ARHGAP20: variants seen among roughly 807,000 people sequenced by gnomAD.
ARHGAP20 encodes the protein rho GTPase-activating protein 20.
Under a neutral mutation model 73.7 loss-of-function variants are expected in ARHGAP20, and 34 were observed. That is an observed-to-expected ratio of 0.46 (90% CI 0.35 to 0.61). The LOEUF (loss-of-function observed/expected upper bound fraction) is 0.61. ARHGAP20 is among the 20% of genes least tolerant of loss of function. The pLI is 0.00. For synonymous variants in ARHGAP20, 523 were observed against 518.2 expected (o/e 1.01, Z -0.13); for missense variants, 1,314 against 1,420.9 (o/e 0.92, Z 1.21).
chr11:110,649,676 GA>G (rs1011934224), intron 2 of ARHGAP20, among the ~76,000 whole-genome samples: 216 of 151,920 alleles, frequency 1.4e-3, no homozygotes, highest in Admixed American at 1.2e-3. Flanking sequence ...TTAGACAAAA[GA>G]AAAAAACTGT....
chr11:110,620,931 G>A (rs1441455521), intron 4 of ARHGAP20, among the ~76,000 whole-genome samples: 1 of 151,916 alleles, frequency 6.6e-6, no homozygotes, highest in East Asian at 1.9e-4. Context: ...AAAATTAGCT[G>A]GGCGCGGTGG....
At chr11:110,685,612 T>C (rs1950118563) in intron 2 of ARHGAP20, among the ~76,000 whole-genome samples, 2 of 152,164 alleles carry the variant, frequency 1.3e-5, no homozygotes, top group African/African-American at 4.8e-5. Flanking sequence ...TCAGTTAATT[T>C]AAATATTTCT....
chr11:110,580,290 T>G lies in ARHGAP20; in HGVS notation c.2656A>C (p.Lys886Gln), dbSNP rs752151883. 6 of 1,614,062 alleles carry G rather than the reference T, an allele frequency of 3.7e-6. No individual in the cohort carries two copies. The highest frequency in any genetic ancestry group is 1.6e-4 in the Middle Eastern group (1 of 6,062). ...TCCATTTGCAAAGACTTATGCCGTT[T>G]GAGATAATCCTCCTCTCCATGCAAG... ...GLLHGEEDYL[K>Q]RHKSLQMEGQ... Residue 886 changes from lysine (K) to glutamine (Q), a missense_variant, in exon 15 of 15, where the codon AAA becomes CAA. Around this residue, in one of 3 missense-constraint regions of ARHGAP20, gnomAD observed 641 missense variants for 636.9 expected, o/e 1.01. Transcript: ENST00000683387.
rs779359314 is a variant in ARHGAP20 at position 110,581,050 on chromosome 11, G to A, written c.1896C>T (p.Gly632=). The A allele has an allele frequency of 6.8e-6, 11 of 1,614,000 alleles. No individual in the cohort carries two copies. In the East Asian group the frequency reaches 2.5e-4, roughly 36 times the overall value. ...DYDLDQPEVE[G]LLTLSDFDLA... is the part of the protein sequence containing the mutation. Reference sequence around the variant, plus strand: ...AGTCAAAGTCGCTTAGGGTTAAAAGGCCTTCCACCTCGGGCTGGTCAAGAT... The same window carrying A: ...AGTCAAAGTCGCTTAGGGTTAAAAGACCTTCCACCTCGGGCTGGTCAAGAT... The change falls in exon 15 of 15, where the codon GGC becomes GGT. Residue 632 remains glycine, a synonymous_variant. Transcript: ENST00000683387.
intron 14 of ARHGAP20, among the ~76,000 whole-genome samples, chr11:110,581,825 G>C (rs553509052): frequency 6.7e-6 from 1 of 149,796 alleles, no homozygotes; most frequent in Non-Finnish European, 1.5e-5. Context: ...GTATGTCTTC[G>C]AATTCAGTGT....
At chr11:110,585,046 T>C (rs1947615102) in intron 12 of ARHGAP20, among the ~76,000 whole-genome samples, 1 of 143,852 alleles carries the variant, frequency 7.0e-6, no homozygotes, top group Non-Finnish European at 1.5e-5. Flanking sequence ...TGAATATATA[T>C]GAATATATGA....
intron 2 of ARHGAP20, among the ~76,000 whole-genome samples, chr11:110,669,768 C>T (rs1224376638): frequency 6.6e-6 from 1 of 152,088 alleles, no homozygotes; most frequent in African/African-American, 2.4e-5. Flanking sequence ...GTAATATATA[C>T]AACTACCTTA....
rs1375477313 is a variant in ARHGAP20, at chr11:110,712,316, G to C, written c.-85C>G. On this transcript the variant is annotated 5_prime_UTR_variant, in exon 1 of 15. Coordinates refer to ENST00000683387, the MANE Select transcript of ARHGAP20 (RefSeq NM_001384657.1). ...CTGCCGGCCGGAGGGGCGAGGACGC[G>C]CGGGCGGAGGCGCGGCTGCCGTGCT... is the stretch of plus-strand genomic sequence containing the variant. 3 of 1,126,496 alleles carry C rather than the reference G, an allele frequency of 2.7e-6. No individual in the cohort carries two copies. The highest frequency in any genetic ancestry group is 3.4e-6 in the Non-Finnish European group (3 of 877,822). 69.8% of individuals were successfully genotyped at this position (1,126,496 alleles called of 1,614,324 possible). A position where few individuals can be genotyped will look rare whatever the true frequency, so the allele number is the denominator to read the frequency against.
intron 2 of ARHGAP20, among the ~76,000 whole-genome samples, chr11:110,658,562 A>C (rs1949524951): frequency 6.6e-6 from 1 of 152,310 alleles, no homozygotes; most frequent in South Asian, 2.1e-4. Flanking sequence ...TACTAATTTC[A>C]TCTGTTTCTC....
At chr11:110,682,127 A>G (rs1371563989) in intron 2 of ARHGAP20, among the ~76,000 whole-genome samples, 2 of 152,202 alleles carry the variant, frequency 1.3e-5, no homozygotes, top group African/African-American at 4.8e-5. Context: ...AAATAAATTT[A>G]ACATTAGACT....
At chr11:110,700,848 T>G (rs1258251058) in intron 1 of ARHGAP20, among the ~76,000 whole-genome samples, 4 of 151,288 alleles carry the variant, frequency 2.6e-5, no homozygotes, top group African/African-American at 9.7e-5. Context: ...TGTTTGGTTT[T>G]TTGTTCTTGC....
chr11:110,706,838 T>C (rs780852247), intron 1 of ARHGAP20, among the ~76,000 whole-genome samples: 2 of 152,086 alleles, frequency 1.3e-5, no homozygotes, highest in Non-Finnish European at 2.9e-5. Context: ...GCCAACACAA[T>C]CTCACGTATC....
chr11:110,586,319 G>A lies in ARHGAP20; in HGVS notation c.1312C>T (p.Leu438=). The A allele has an allele frequency of 1.3e-6, 2 of 1,566,618 alleles. No homozygotes were observed. The highest frequency in any genetic ancestry group is 1.2e-5 in the South Asian group (1 of 83,958). ...FVIASVLKDF[L]RNIPGSIFSS... is the part of the protein sequence containing the mutation. Reference sequence around the variant, plus strand: ...AAAATACTTCCTGGAATATTTCGCAGAAAATCCTTAAATAGATGGAAAAAC... The same window carrying A: ...AAAATACTTCCTGGAATATTTCGCAAAAAATCCTTAAATAGATGGAAAAAC... Residue 438 remains leucine (L), a synonymous_variant, in exon 12 of 15, where the codon CTG becomes TTG. Coordinates refer to ENST00000683387, the MANE Select transcript of ARHGAP20 (RefSeq NM_001384657.1).
At chr11:110,641,227 T>A (rs1401553357) in intron 2 of ARHGAP20, among the ~76,000 whole-genome samples, 2 of 151,844 alleles carry the variant, frequency 1.3e-5, no homozygotes, top group African/African-American at 4.8e-5. Flanking sequence ...AATAGAAAGA[T>A]GAGAGACAGA....
chr11:110,677,718 AAGAT>A (rs781191617), intron 2 of ARHGAP20, among the ~76,000 whole-genome samples: 26 of 152,136 alleles, frequency 1.7e-4, no homozygotes, highest in Non-Finnish European at 2.9e-5. Flanking sequence ...TATAATAAAA[AAGAT>A]AGAAAATAAC....
intron 11 of ARHGAP20, chr11:110,589,718 T>C (rs1947773476): frequency 1.0e-6 from 1 of 984,402 alleles, no homozygotes; most frequent in Admixed American, 6.1e-5. Context: ...TAACCATGGA[T>C]GTGACTTAAG....
chr11:110,585,133 A>C (rs1028848110), intron 12 of ARHGAP20, among the ~76,000 whole-genome samples: 3 of 151,386 alleles, frequency 2.0e-5, no homozygotes, highest in Non-Finnish European at 1.5e-5. Flanking sequence ...ATATATGTGA[A>C]TGTATATATG....
chr11:110,631,521 C>A (rs919248297), intron 2 of ARHGAP20, among the ~76,000 whole-genome samples: 2 of 152,134 alleles, frequency 1.3e-5, no homozygotes, highest in African/African-American at 4.8e-5. Context: ...TAACAGCCTG[C>A]CTGCTTTGCA....
intron 14 of ARHGAP20, among the ~76,000 whole-genome samples, chr11:110,581,954 A>C (rs989662554): frequency 6.6e-6 from 1 of 150,792 alleles, no homozygotes; most frequent in Non-Finnish European, 1.5e-5. Flanking sequence ...AAAAACATTC[A>C]TGCCTCTACT....
Sources: gnomAD v4.1 joint callset for allele counts (sites outside exome capture counted in the v4.1 genomes callset) on GRCh38, gnomAD v4.1.1 for gene constraint, gnomAD v4.1.1 regional missense constraint, MANE v1.5 for transcripts, NCBI Gene and HGNC (gene_info 2026-07-23, HGNC 2026-07-21) for gene names.